The following PDK1 variants were observed in gnomAD, a reference collection of about 807,000 sequenced individuals.
PDK1 encodes [Pyruvate dehydrogenase (acetyl-transferring)] kinase isozyme 1, mitochondrial.
PDK1 carries 39 observed loss-of-function variants against 54.2 expected under a neutral mutation model. The ratio of observed to expected loss-of-function variants is 0.72; its 90% CI spans 0.56 to 0.94. The LOEUF (loss-of-function observed/expected upper bound fraction) is 0.94. Ranked by LOEUF, PDK1 falls within the 40% of genes least tolerant of loss-of-function variation. The probability of loss-of-function intolerance (pLI) is 0.00; values close to 1 mark genes in which losing one functional copy is unlikely to be tolerated. For synonymous variants in PDK1, 221 were observed against 207.1 expected (o/e 1.07, Z -0.58); for missense variants, 552 against 566.0 (o/e 0.98, Z 0.25).
intron 2 of PDK1, among the ~76,000 whole-genome samples, chr2:172,560,199 A>AC (rs1688580591): frequency 6.6e-6 from 1 of 151,856 alleles, no homozygotes; most frequent in Non-Finnish European, 1.5e-5. Flanking sequence ...GGTCTCCATC[A>AC]CCCAGGCTAG....
the PDK1 span, among the ~76,000 whole-genome samples, chr2:172,621,685 T>C: frequency 6.8e-6 from 1 of 147,814 alleles, no homozygotes; most frequent in Admixed American, 6.8e-5. Flanking sequence ...TTTATGTTTA[T>C]ATATCATATA....
chr2:172,664,504 A>G, the PDK1 span, among the ~76,000 whole-genome samples: 20 of 151,662 alleles, frequency 1.3e-4, no homozygotes, highest in Admixed American at 9.9e-4. Context: ...TTGGAGTATG[A>G]TCCTTCTGGG....
At chr2:172,562,073 T>G in intron 2 of PDK1, 147 bp from the exon 3 acceptor site, 5 of 519,032 alleles carry the variant, frequency 9.6e-6, no homozygotes, top group Non-Finnish European at 1.7e-5. Flanking sequence ...TGTGCATGGG[T>G]GTAAAAATTA....
At chr2:172,614,179 C>A in the PDK1 span, among the ~76,000 whole-genome samples, 1 of 151,940 alleles carries the variant, frequency 6.6e-6, no homozygotes, top group Non-Finnish European at 1.5e-5. Flanking sequence ...AGGACCCCCC[C>A]CCCCAACCCC....
chr2:172,672,279 A>G, the PDK1 span, among the ~76,000 whole-genome samples: 1 of 152,216 alleles, frequency 6.6e-6, no homozygotes, highest in Admixed American at 6.5e-5. Context: ...CTCTCTTGCT[A>G]AGTCATAGCT....
At chr2:172,703,196 C>T in the PDK1 span, among the ~76,000 whole-genome samples, 4 of 152,148 alleles carry the variant, frequency 2.6e-5, no homozygotes, top group Admixed American at 6.5e-5. Flanking sequence ...CAAGGGAAGC[C>T]GGCAACCACT....
the PDK1 span, among the ~76,000 whole-genome samples, chr2:172,622,844 GT>G: frequency 6.8e-6 from 1 of 146,578 alleles, no homozygotes; most frequent in African/African-American, 2.5e-5. Flanking sequence ...TATGATATAT[GT>G]TTATATATTA....
chr2:172,651,695 C>T, the PDK1 span, among the ~76,000 whole-genome samples: 30 of 152,252 alleles, frequency 2.0e-4, 1 homozygote, highest in East Asian at 1.9e-3. Flanking sequence ...AACACCTCTA[C>T]GCAAATAAAC....
chr2:172,622,522 A>G, the PDK1 span, among the ~76,000 whole-genome samples: 2 of 141,566 alleles, frequency 1.4e-5, no homozygotes, highest in African/African-American at 2.5e-5. Context: ...ATATGTTTAT[A>G]TCATATATTA....
At chr2:172,636,238 G>C in the PDK1 span, among the ~76,000 whole-genome samples, 1 of 152,164 alleles carries the variant, frequency 6.6e-6, no homozygotes, top group African/African-American at 2.4e-5. Flanking sequence ...GGTTTATTTG[G>C]CTCATGGTTC....
At chr2:172,619,571 T>C in the PDK1 span, among the ~76,000 whole-genome samples, 1 of 152,040 alleles carries the variant, frequency 6.6e-6, no homozygotes, top group Non-Finnish European at 1.5e-5. Context: ...AGTCTTTCCC[T>C]GAGGCAATGA....
chr2:172,688,488 C>T, the PDK1 span, among the ~76,000 whole-genome samples: 1 of 152,130 alleles, frequency 6.6e-6, no homozygotes, highest in Non-Finnish European at 1.5e-5. Flanking sequence ...AGTCCCAAGC[C>T]CCATCTTACT....
At chr2:172,573,257 T>C (rs1242712590) in intron 8 of PDK1, among the ~76,000 whole-genome samples, 1 of 152,224 alleles carries the variant, frequency 6.6e-6, no homozygotes, top group Non-Finnish European at 1.5e-5. Flanking sequence ...ACAATTGTAG[T>C]CTGTCTTTTT....
chr2:172,644,881 G>C, the PDK1 span, among the ~76,000 whole-genome samples: 26 of 152,322 alleles, frequency 1.7e-4, no homozygotes, highest in African/African-American at 5.8e-4. Context: ...TAACTTTGCT[G>C]TTTGCTGTAT....
At chr2:172,582,101 CAG>C (rs1160915897) in intron 8 of PDK1, among the ~76,000 whole-genome samples, 3 of 152,034 alleles carry the variant, frequency 2.0e-5, no homozygotes, top group East Asian at 3.9e-4. Flanking sequence ...TTAGTAGAGA[CAG>C]AGTTTCACCA....
chr2:172,663,582 G>A, the PDK1 span, among the ~76,000 whole-genome samples: 1 of 152,166 alleles, frequency 6.6e-6, no homozygotes, highest in African/African-American at 2.4e-5. Flanking sequence ...CGATCCTCCT[G>A]TGACAGCCAG....
At chr2:172,623,882 A>G in the PDK1 span, among the ~76,000 whole-genome samples, 1 of 152,222 alleles carries the variant, frequency 6.6e-6, no homozygotes, top group Non-Finnish European at 1.5e-5. Context: ...AAAATTCCAT[A>G]GGTTGGTTTT....
chr2:172,613,695 G>C, the PDK1 span, among the ~76,000 whole-genome samples: 1 of 152,148 alleles, frequency 6.6e-6, no homozygotes, highest in Non-Finnish European at 1.5e-5. Flanking sequence ...ACATATTTCT[G>C]TGGAATACCT....
intron 1 of PDK1, chr2:172,558,389 C>G (rs1688467537): frequency 4.7e-6 from 1 of 213,394 alleles, no homozygotes; most frequent in African/African-American, 2.3e-5. Flanking sequence ...TAAAGCCTTG[C>G]TCAGACATGC....
Sources: gnomAD v4.1 joint callset for allele counts (sites outside exome capture counted in the v4.1 genomes callset) on GRCh38, gnomAD v4.1.1 for gene constraint, MANE v1.5 for transcripts, NCBI Gene and HGNC (gene_info 2026-07-23, HGNC 2026-07-21) for gene names.